The following DBH variants were observed in gnomAD, a reference collection of about 807,000 sequenced individuals.
The protein encoded by DBH is dopamine beta-hydroxylase (dopamine beta-monooxygenase).
In DBH, 49 loss-of-function variants were observed where a neutral mutation model predicts 64.0. The observed-to-expected ratio is 0.77, with a 90% CI of 0.61 to 0.97. The LOEUF is 0.97. Ranked by LOEUF, DBH falls within the 50% of genes least tolerant of loss-of-function variation. The pLI, the probability that DBH is intolerant of heterozygous loss-of-function variation, is 0.00. For synonymous variants in DBH, 343 were observed against 347.1 expected, an observed-to-expected ratio of 0.99 and a Z score of 0.13; for missense variants, 828 against 826.6, an observed-to-expected ratio of 1.00 and a Z score of -0.02.
rs886063658 is a variant in DBH, at chr9:133,643,520, C to G, written c.852C>G (p.Asp284Glu). 1.9e-6 allele frequency: 3 copies of G among 1,613,684 alleles called. No individual in the cohort carries two copies. In the Admixed American group the frequency reaches 5.0e-5, roughly 27 times the overall value. The change falls in exon 4 of 12, where the codon GAC becomes GAG. Residue 284 changes from aspartate (D) to glutamate (E), a missense_variant. Physicochemically the swap from Asp to Glu is conservative, Grantham distance 45. Transcript: ENST00000393056. This position sits in a 1 kb window ranked among gnomAD's most constrained non-coding sequence, Gnocchi z 5.3. ...DSVPHFSGPC[D>E]SKMKPDRLNY... is the part of the protein sequence containing the mutation. ...TCCCCCACTTCAGCGGGCCCTGCGA[C>G]TCCAAGATGAAACCCGACCGCCTCA...
chr9:133,652,795 T>C, intron 8 of DBH, 145 bp from the exon 9 acceptor site: 2 of 694,414 alleles, frequency 2.9e-6, no homozygotes. Context: ...CACATGAATC[T>C]GCTGGGCTCC....
chr9:133,656,676 T>G (rs1168293606), intron 10 of DBH, 26 bp downstream of exon 10: 2 of 1,609,426 alleles, frequency 1.2e-6, no homozygotes, highest in African/African-American at 2.7e-5. Flanking sequence ...ACAAGCTCCC[T>G]GCCCCCAGGG....
rs199926239 is a variant in DBH at position 133,647,840 on chromosome 9, T to A, written c.1025-6T>A. 570 of 1,614,152 alleles carry A rather than the reference T, an allele frequency of 3.5e-4. 2 individuals carry two copies. The highest frequency in any genetic ancestry group is 1.5e-3 in the Middle Eastern group (9 of 6,062). On this transcript the variant is annotated splice_region_variant and splice_polypyrimidine_tract_variant and intron_variant, in intron 5 of 11. Coordinates refer to ENST00000393056, the MANE Select transcript of DBH (RefSeq NM_000787.4). ...GCTCACCTCCATCCATCCCACCTTC[T>A]CCCAGGACGAAACGACTCCTCAGGC...
At chr9:133,651,541 C>T (rs1279912629) in intron 6 of DBH, 93 bp from the exon 7 acceptor site, 9 of 1,533,496 alleles carry the variant, frequency 5.9e-6, no homozygotes, top group Non-Finnish European at 8.1e-6. Context: ...AAGCAAACTG[C>T]CCAGGGTGGC....
intron 10 of DBH, 34 bp from the exon 11 acceptor site, chr9:133,657,036 G>T: frequency 6.2e-7 from 1 of 1,613,068 alleles, no homozygotes; most frequent in Non-Finnish European, 8.5e-7. Context: ...CCCGTCAGCT[G>T]CTCCCCAGCC....
In DBH at chr9:133,658,544, GCACGCCCAGGATGAAGGGGCCAGAC is replaced by G; in HGVS notation, c.*105_*129del. On this transcript the variant is annotated 3_prime_UTR_variant, in exon 12 of 12. Coordinates refer to ENST00000393056, the MANE Select transcript of DBH (RefSeq NM_000787.4). ...GCGACGATCCCCATGGAACAGCCCTGCACGCCCAGGATGAAGGGGCCAGACCACGCCCCTGCCTGAGACCACGGTC... is the reference window on the plus strand; with the variant it reads ...GCGACGATCCCCATGGAACAGCCCTGCACGCCCCTGCCTGAGACCACGGTC... 2.2e-6 allele frequency: 3 copies of G among 1,363,062 alleles called. No individual in the cohort carries two copies. Among genetic ancestry groups the G allele is most frequent in the Non-Finnish European group, 2.9e-6 (3 of 1,023,110 alleles). 84.4% of individuals were successfully genotyped at this position (1,363,062 alleles called of 1,614,324 possible).
chr9:133,650,549 TTC>T (rs1254036007), intron 6 of DBH, among the ~76,000 whole-genome samples: 41 of 117,708 alleles, frequency 3.5e-4, no homozygotes, highest in East Asian at 2.0e-3. Context: ...CTTCCTTCCT[TTC>T]TTTTTTTTTT....
At chr9:133,646,689 A>C (rs955522377) in intron 5 of DBH, among the ~76,000 whole-genome samples, 2 of 151,486 alleles carry the variant, frequency 1.3e-5, no homozygotes, top group African/African-American at 4.9e-5. Context: ...ACACCTGGCT[A>C]ATTTTTGTAT....
chr9:133,645,443 T>G (rs747167882), intron 5 of DBH, among the ~76,000 whole-genome samples: 54 of 152,308 alleles, frequency 3.5e-4, no homozygotes, highest in Non-Finnish European at 1.8e-4. Flanking sequence ...TATCTGGTTG[T>G]ATTTATGGAT....
At chr9:133,651,898 G>T in intron 7 of DBH, 121 bp downstream of exon 7, 1 of 1,006,166 alleles carries the variant, frequency 9.9e-7, no homozygotes, top group African/African-American at 1.6e-5. Context: ...TCCTGGGCCA[G>T]CCCCACCCGC....
intron 9 of DBH, among the ~76,000 whole-genome samples, chr9:133,653,574 G>A (rs570385190): frequency 4.6e-5 from 7 of 152,286 alleles, no homozygotes; most frequent in South Asian, 4.1e-4. Flanking sequence ...CAGGGGCTGC[G>A]TGCGGGAAGG....
rs765935620 is a variant in DBH at position 133,656,667 on chromosome 9, C to T, written c.1562+17C>T. 13 of 1,610,638 alleles carry T rather than the reference C, an allele frequency of 8.1e-6. No homozygotes were observed. Among genetic ancestry groups the T allele is most frequent in the Non-Finnish European group, 1.1e-5 (13 of 1,179,844 alleles). ...CATCAACAGGTGAGGGCTCCCTGCACAAGCTCCCTGCCCCCAGGGAACCCC... is the reference window on the plus strand; with the variant it reads ...CATCAACAGGTGAGGGCTCCCTGCATAAGCTCCCTGCCCCCAGGGAACCCC... On this transcript the variant is annotated intron_variant, in intron 10 of 11. Transcript: ENST00000393056.
rs771376113 is a variant in DBH, at chr9:133,643,515, T to C, written c.847T>C (p.Cys283Arg). ...CAGCGTCCCCCACTTCAGCGGGCCC[T>C]GCGACTCCAAGATGAAACCCGACCG... ...MDSVPHFSGP[C>R]DSKMKPDRLN... Residue 283 changes from cysteine to arginine, a missense_variant, in exon 4 of 12, where the codon TGC (cysteine) becomes CGC (arginine). Coordinates refer to ENST00000393056, the MANE Select transcript of DBH (RefSeq NM_000787.4). The surrounding 1 kb of genome is among the most constrained non-coding windows in gnomAD (Gnocchi z 5.3). The C allele has an allele frequency of 6.2e-7, 1 of 1,612,608 alleles. No homozygotes were observed. The highest frequency in any genetic ancestry group is 1.7e-5 in the Admixed American group (1 of 59,878).
intron 3 of DBH, 152 bp downstream of exon 3, chr9:133,642,616 C>T (rs1477336395): frequency 3.1e-6 from 3 of 971,994 alleles, no homozygotes; most frequent in African/African-American, 3.2e-5. Context: ...AGCAGGGGAG[C>T]AGCAAGTGGT....
intron 10 of DBH, among the ~76,000 whole-genome samples, chr9:133,656,861 C>A (rs988480737): frequency 3.9e-5 from 6 of 152,196 alleles, no homozygotes; most frequent in Admixed American, 2.0e-4. Flanking sequence ...GCAGCCATTA[C>A]CCACCCGCCA....
chr9:133,645,553 C>T (rs1335335234), intron 5 of DBH, among the ~76,000 whole-genome samples: 1 of 152,172 alleles, frequency 6.6e-6, no homozygotes, highest in Non-Finnish European at 1.5e-5. Flanking sequence ...ATGATTTAAT[C>T]CCCATCTGAA....
intron 2 of DBH, among the ~76,000 whole-genome samples, chr9:133,640,528 C>T (rs555079970): frequency 3.3e-5 from 5 of 152,224 alleles, no homozygotes; most frequent in Non-Finnish European, 7.3e-5. Flanking sequence ...ATTGTAAAAG[C>T]CATAGGCTTC....
intron 9 of DBH, among the ~76,000 whole-genome samples, chr9:133,653,541 A>G (rs1293954094): frequency 6.6e-6 from 1 of 151,932 alleles, no homozygotes; most frequent in Non-Finnish European, 1.5e-5. Context: ...GGGAGAGGGG[A>G]GGAGGTGAAG....
intron 11 of DBH, 81 bp downstream of exon 11, chr9:133,657,310 C>T: frequency 1.3e-6 from 2 of 1,551,898 alleles, no homozygotes; most frequent in South Asian, 2.2e-5. Flanking sequence ...TGGGTCTGCA[C>T]TCCAAACTGC....
Sources: gnomAD v4.1 joint callset for allele counts (sites outside exome capture counted in the v4.1 genomes callset) on GRCh38, gnomAD v4.1.1 for gene constraint, Gnocchi (gnomAD v3.1) non-coding constraint, MANE v1.5 for transcripts, NCBI Gene and HGNC (gene_info 2026-07-23, HGNC 2026-07-21) for gene names.